ZSCAN25: variants seen among roughly 807,000 people sequenced by gnomAD.
ZSCAN25 encodes zinc finger and SCAN domain containing 25.
ZSCAN25 carries 27 observed loss-of-function variants against 38.7 expected under a neutral mutation model. The ratio of observed to expected loss-of-function variants is 0.70; its 90% CI spans 0.51 to 0.96. The LOEUF is 0.96. Among genes scored for constraint, ZSCAN25 ranks in the 40% least tolerant of loss-of-function variants. The pLI is 0.00. For synonymous variants in ZSCAN25, 273 were observed against 277.7 expected, an observed-to-expected ratio of 0.98 and a Z score of 0.17; for missense variants, 637 against 705.9, an observed-to-expected ratio of 0.90 and a Z score of 1.11.
intron 6 of ZSCAN25, 113 bp downstream of exon 6, chr7:99,622,753 C>G: frequency 1.0e-6 from 1 of 963,896 alleles, no homozygotes; most frequent in Non-Finnish European, 1.6e-6. Flanking sequence ...TTGAGTCATT[C>G]TCCCTTCCTA....
intron 7 of ZSCAN25, among the ~76,000 whole-genome samples, chr7:99,626,201 A>C (rs765572122): frequency 2.6e-5 from 4 of 152,266 alleles, no homozygotes; most frequent in Non-Finnish European, 2.9e-5. Flanking sequence ...TAGCAGGTGC[A>C]GAAACCTGAA....
At chr7:99,679,806 G>A in the ZSCAN25 span, 2 of 1,613,348 alleles carry the variant, frequency 1.2e-6, no homozygotes, top group East Asian at 2.2e-5. Context: ...ACAAAGAGAG[G>A]AGTTTGGACA....
In ZSCAN25 at chr7:99,630,129, A is replaced by G. The variant is rs1274552230; in HGVS notation, c.*109A>G. 7.0e-7 allele frequency: 1 copy of G among 1,428,046 alleles called. No homozygotes were observed. Among genetic ancestry groups the G allele is most frequent in the Non-Finnish European group, 9.1e-7 (1 of 1,094,520 alleles). The allele number at this position is 1,428,046 out of a possible 1,614,324, so 88.5% of individuals were successfully genotyped here. ...CACTGGTCCCATCGCCTTCCCACCCATTCGCCAACGCGGGAAAGGCAAGGC... is the reference window on the plus strand; with the variant it reads ...CACTGGTCCCATCGCCTTCCCACCCGTTCGCCAACGCGGGAAAGGCAAGGC... On this transcript the variant is annotated 3_prime_UTR_variant, in exon 8 of 8. Coordinates refer to ENST00000394152, the MANE Select transcript of ZSCAN25 (RefSeq NM_145115.3).
At chr7:99,625,875 G>A (rs999080691) in intron 7 of ZSCAN25, among the ~76,000 whole-genome samples, 2 of 152,200 alleles carry the variant, frequency 1.3e-5, no homozygotes, top group East Asian at 1.9e-4. Flanking sequence ...CAGGTGACAC[G>A]AAGGCCTGTT....
At chr7:99,633,077 C>G (rs1186442304), downstream of ZSCAN25, among the ~76,000 whole-genome samples, 1 of 151,428 alleles carries the variant, frequency 6.6e-6, no homozygotes, top group Non-Finnish European at 1.5e-5. Context: ...CCTCCCTGTC[C>G]CGGGTTCAAG....
chr7:99,710,036 C>T, the ZSCAN25 span, among the ~76,000 whole-genome samples: 16 of 152,134 alleles, frequency 1.1e-4, no homozygotes, highest in African/African-American at 3.9e-4. Context: ...GAAACAGTCT[C>T]CTAGTTGTTG....
At chr7:99,627,175 T>G (rs1807546114) in intron 7 of ZSCAN25, among the ~76,000 whole-genome samples, 1 of 152,226 alleles carries the variant, frequency 6.6e-6, no homozygotes, top group African/African-American at 2.4e-5. Context: ...GGCATCTCAA[T>G]CTTTCATTTG....
the ZSCAN25 span, among the ~76,000 whole-genome samples, chr7:99,675,538 T>C: frequency 1.3e-5 from 2 of 151,136 alleles, no homozygotes; most frequent in African/African-American, 4.9e-5. Context: ...GGACATGAGC[T>C]TGTGACTTTC....
the ZSCAN25 span, among the ~76,000 whole-genome samples, chr7:99,728,101 T>C: frequency 0.043 from 6,586 of 152,176 alleles, 453 homozygotes; most frequent in African/African-American, 0.15. Flanking sequence ...CACTCCTATT[T>C]ACTCTCCCAC....
chr7:99,735,243 G>T, the ZSCAN25 span: 10 of 1,110,874 alleles, frequency 9.0e-6, no homozygotes, highest in Non-Finnish European at 1.3e-5. Context: ...GAAGGAGGCA[G>T]GGCTGGAGCT....
At chr7:99,689,352 A>C in the ZSCAN25 span, among the ~76,000 whole-genome samples, 1 of 152,218 alleles carries the variant, frequency 6.6e-6, no homozygotes, top group East Asian at 1.9e-4. Context: ...CCCATCCCAC[A>C]GAAATACAAA....
At chr7:99,655,888 A>G in the ZSCAN25 span, among the ~76,000 whole-genome samples, 2 of 152,032 alleles carry the variant, frequency 1.3e-5, no homozygotes, top group Non-Finnish European at 2.9e-5. Flanking sequence ...TTTGTCTGTT[A>G]TTGGTGTATA....
chr7:99,622,811 G>A (rs1026585542), intron 6 of ZSCAN25, among the ~76,000 whole-genome samples, 171 bp downstream of exon 6: 2 of 152,126 alleles, frequency 1.3e-5, no homozygotes, highest in African/African-American at 2.4e-5. Flanking sequence ...ACCATCAGCC[G>A]CAGTTGTTAA....
the ZSCAN25 span, chr7:99,650,001 C>G: frequency 6.5e-7 from 1 of 1,530,930 alleles, no homozygotes. Flanking sequence ...GATAAACATG[C>G]ATATTCTTTT....
chr7:99,620,250 G>T (rs1178199121), intron 4 of ZSCAN25: 1 of 501,836 alleles, frequency 2.0e-6, no homozygotes, highest in Non-Finnish European at 3.5e-6. Context: ...TATTTCCCTT[G>T]TGGGCATCAG....
At chr7:99,625,148 C>T (rs139934971) in intron 7 of ZSCAN25, among the ~76,000 whole-genome samples, 1 of 152,286 alleles carries the variant, frequency 6.6e-6, no homozygotes, top group Non-Finnish European at 1.5e-5. Flanking sequence ...CTCCCTTGAG[C>T]TTTCCAGGTC....
At chr7:99,633,499 G>A (rs1808140678), downstream of ZSCAN25, among the ~76,000 whole-genome samples, 1 of 152,218 alleles carries the variant, frequency 6.6e-6, no homozygotes, top group Admixed American at 6.5e-5. Context: ...AGAATAATGA[G>A]CTAGTTACTT....
At chr7:99,709,321 T>A in the ZSCAN25 span, 37 of 1,574,482 alleles carry the variant, frequency 2.3e-5, no homozygotes, top group African/African-American at 3.9e-4. Context: ...TTTAACTCAG[T>A]CCATGTAGTA....
At chr7:99,617,181 T>C (rs930341302) in intron 1 of ZSCAN25, among the ~76,000 whole-genome samples, 165 bp downstream of exon 1, 1 of 152,160 alleles carries the variant, frequency 6.6e-6, no homozygotes, top group Non-Finnish European at 1.5e-5. Context: ...AGGAGCTGCC[T>C]TCAGCGGCCC....
Sources: gnomAD v4.1 joint callset for allele counts (sites outside exome capture counted in the v4.1 genomes callset) on GRCh38, gnomAD v4.1.1 for gene constraint, MANE v1.5 for transcripts, NCBI Gene and HGNC (gene_info 2026-07-23, HGNC 2026-07-21) for gene names.